Variants in KPNA2 observed in about 807,000 individuals in gnomAD.
The protein encoded by KPNA2 is importin subunit alpha-1.
Under a neutral mutation model 53.7 loss-of-function variants are expected in KPNA2, and 20 were observed. The ratio of observed to expected loss-of-function variants is 0.37; its 90% CI spans 0.26 to 0.54. The LOEUF is 0.54. Ranked by LOEUF, KPNA2 falls within the 20% of genes least tolerant of loss-of-function variation. The pLI is 0.83. For synonymous variants in KPNA2, 238 were observed against 227.5 expected, an observed-to-expected ratio of 1.05 and a Z score of -0.42; for missense variants, 515 against 640.3, an observed-to-expected ratio of 0.80 and a Z score of 2.11.
intron 4 of KPNA2, 104 bp from the exon 5 acceptor site, chr17:68,041,978 GGTT>G (rs1568276430): frequency 5.5e-6 from 5 of 908,244 alleles, no homozygotes; most frequent in Non-Finnish European, 8.3e-6. Flanking sequence ...TTACTTAAAA[GGTT>G]GTCTGAAGTT....
chr17:68,039,498 C>T lies in KPNA2; in HGVS notation c.214-1180C>T, dbSNP rs531006117. 6.6e-5 allele frequency among the ~76,000 whole-genome samples: 10 copies of T among 151,284 alleles called. No individual in the cohort carries two copies. The South Asian group carries it at 1.1e-3, about 16-fold the overall frequency. ...TTATAAAATTAGATATGAAAATCCT[C>T]GGCCGGGTGTGGTGGCTCACACCTG... On this transcript the variant is annotated intron_variant, in intron 3 of 10. Coordinates refer to ENST00000330459, the MANE Select transcript of KPNA2 (RefSeq NM_002266.4).
chr17:68,037,064 A>G (rs1599137542), intron 1 of KPNA2, 46 bp from the exon 2 acceptor site: 8 of 1,261,326 alleles, frequency 6.3e-6, no homozygotes, highest in Non-Finnish European at 8.1e-6. Flanking sequence ...ATTATTGACA[A>G]AGGAAAATGA....
rs782770581 is a variant in KPNA2, at chr17:68,042,134, G to A, written c.352G>A (p.Ala118Thr). Residue 118 changes from alanine to threonine, a missense_variant, in exon 5 of 11, where the codon GCT becomes ACT. By Grantham distance (58) the Ala-to-Thr change is moderately conservative. Transcript: ENST00000330459. ...GCCCCCCATAGACAACATAATCCGG[G>A]CTGGTTTGATTCCGAAATTTGTGTC... ...KQPPIDNIIR[A>T]GLIPKFVSFL... The A allele has an allele frequency of 6.2e-7, 1 of 1,613,926 alleles. No individual in the cohort carries two copies. The highest frequency in any genetic ancestry group is 8.5e-7 in the Non-Finnish European group (1 of 1,179,844).
At position 68,038,530 on chromosome 17, in the gene KPNA2, T is replaced by A. The variant is rs531805241; in HGVS notation, c.213+1035T>A. ...TCCTAATTTATCATATCCTTCTTTA[T>A]GCCATATACTATTTTCCTGAAATTT... On this transcript the variant is annotated intron_variant, in intron 3 of 10. Coordinates refer to ENST00000330459, the MANE Select transcript of KPNA2 (RefSeq NM_002266.4). Among the ~76,000 whole-genome samples, 3 of 152,334 alleles carry A rather than the reference T, an allele frequency of 2.0e-5. No homozygotes were observed. The East Asian group carries it at 5.8e-4, about 29-fold the overall frequency.
Position 68,045,859 on chromosome 17 carries a change from C to T in KPNA2, c.1435C>T (p.His479Tyr), listed in dbSNP as rs781957997. Residue 479 changes from histidine (H) to tyrosine (Y), a missense_variant, in exon 10 of 11, where the codon CAT (histidine) becomes TAT (tyrosine). Coordinates refer to ENST00000330459, the MANE Select transcript of KPNA2 (RefSeq NM_002266.4). ...AGACAAAATTGAAGCTCTACAAAAC[C>T]ATGAAAATGAGTCTGTGTATAAGGC... ...GLDKIEALQN[H>Y]ENESVYKASL... 7 of 1,607,808 alleles carry T rather than the reference C, an allele frequency of 4.4e-6. No homozygotes were observed. The South Asian group carries it at 6.6e-5, about 15-fold the overall frequency.
At chr17:68,046,008 C>A in intron 10 of KPNA2, 87 bp downstream of exon 10, 11 of 832,852 alleles carry the variant, frequency 1.3e-5, no homozygotes, top group South Asian at 2.8e-5. Context: ...AAATAAGTGT[C>A]ATATCTTTGT....
At chr17:68,039,718 G>A (rs1555704246) in intron 3 of KPNA2, among the ~76,000 whole-genome samples, 2 of 151,446 alleles carry the variant, frequency 1.3e-5, no homozygotes, top group African/African-American at 2.4e-5. Flanking sequence ...AGGTGGAGGC[G>A]GTGGTGAGCC....
intron 5 of KPNA2, 42 bp from the exon 6 acceptor site, chr17:68,042,863 C>CAAAAAAA: frequency 8.9e-7 from 1 of 1,127,988 alleles, no homozygotes; most frequent in Non-Finnish European, 1.2e-6. Context: ...AACTCCGTCT[C>CAAAAAAA]AAAAAAAAAA....
rs782797109 is a variant in KPNA2, at chr17:68,043,134, C to G, written c.701C>G (p.Ser234Cys). ...GYLRNLTWTL[S>C]NLCRNKNPAP... ...TTACGTAATCTTACCTGGACACTTT[C>G]TAATCTTTGCCGCAACAAGAATCCT... The change falls in exon 7 of 11, where the codon TCT (serine) becomes TGT (cysteine). Residue 234 changes from serine (S) to cysteine (C), a missense_variant. Transcript: ENST00000330459. 2.5e-6 allele frequency: 4 copies of G among 1,614,020 alleles called. No homozygotes were observed. Among genetic ancestry groups the G allele is most frequent in the African/African-American group, 1.3e-5 (1 of 74,902 alleles).
At chr17:68,039,934 G>C (rs1394723063) in intron 3 of KPNA2, among the ~76,000 whole-genome samples, 4 of 151,090 alleles carry the variant, frequency 2.6e-5, no homozygotes. Context: ...AAAAAAATTA[G>C]CCAGGCATGG....
chr17:68,043,748 G>A, intron 7 of KPNA2, 90 bp from the exon 8 acceptor site: 1 of 788,972 alleles, frequency 1.3e-6, no homozygotes, highest in Non-Finnish European at 2.2e-6. Context: ...TTCAGGCCAT[G>A]ATGGGCCTCT....
Position 68,043,822 on chromosome 17 carries a change from ATTTT to A in KPNA2, c.931-7_931-4del. The A allele has an allele frequency of 8.4e-7, 1 of 1,184,918 alleles. No homozygotes were observed. The highest frequency in any genetic ancestry group is 1.2e-6 in the Non-Finnish European group (1 of 838,070). 73.4% of individuals were successfully genotyped at this position (1,184,918 alleles called of 1,614,324 possible). On this transcript the variant is annotated splice_polypyrimidine_tract_variant and intron_variant, in intron 7 of 10. Transcript: ENST00000330459. ...GGGAAAAAATAACCAGCATCAACAT[ATTTT>A]TTTTTTTTCAGACTCCTGCCCTAAG...
intron 3 of KPNA2, 116 bp downstream of exon 3, chr17:68,037,611 G>T (rs2071205686): frequency 9.9e-7 from 1 of 1,005,992 alleles, no homozygotes. Flanking sequence ...AACTATCTGT[G>T]AACATCTTTT....
rs782088901 is a variant in KPNA2, at chr17:68,037,463, A to G, written c.181A>G (p.Thr61Ala). 1.4e-4 allele frequency: 232 copies of G among 1,613,456 alleles called. No homozygotes were observed. Among genetic ancestry groups the G allele is most frequent in the Non-Finnish European group, 1.8e-4 (213 of 1,179,846 alleles). ...TGTAAGCTCATTTCCTGATGATGCT[A>G]CTTCTCCGCTGCAGGAAAACCGCAA... ...RNVSSFPDDA[T>A]SPLQENRNNQ... Residue 61 changes from threonine (T) to alanine (A), a missense_variant, in exon 3 of 11, where the codon ACT becomes GCT. Physicochemically the swap from Thr to Ala is moderately conservative, Grantham distance 58. Coordinates refer to ENST00000330459, the MANE Select transcript of KPNA2 (RefSeq NM_002266.4).
At chr17:68,040,224 T>A (rs540875708) in intron 3 of KPNA2, among the ~76,000 whole-genome samples, 2 of 152,184 alleles carry the variant, frequency 1.3e-5, no homozygotes, top group South Asian at 4.1e-4. Context: ...AGACAAGGTC[T>A]TGTATGGCGA....
At position 68,043,915 on chromosome 17, in the gene KPNA2, A is replaced by T; in HGVS notation, c.1008A>T (p.Ala336=). 1 of 1,613,508 alleles carries T rather than the reference A, an allele frequency of 6.2e-7. No homozygotes were observed. Among genetic ancestry groups the T allele is most frequent in the Non-Finnish European group, 8.5e-7 (1 of 1,179,734 alleles). The part of the protein sequence containing the change: ...EQTQVVIDAG[A]LAVFPSLLTN... ...CTCAGGTTGTGATTGATGCAGGAGC[A>T]CTCGCCGTCTTTCCCAGCCTGCTCA... The change falls in exon 8 of 11, where the codon GCA becomes GCT. Residue 336 remains alanine (A), a synonymous_variant. Coordinates refer to ENST00000330459, the MANE Select transcript of KPNA2 (RefSeq NM_002266.4).
chr17:68,036,368 A>C (rs1237424025), intron 1 of KPNA2: 1 of 152,286 alleles, frequency 6.6e-6, no homozygotes, highest in Non-Finnish European at 1.5e-5. Context: ...ATTCACTCCT[A>C]GTCTCTGGAA....
intron 3 of KPNA2, among the ~76,000 whole-genome samples, chr17:68,039,173 T>C (rs62084689): frequency 0.2 from 30,922 of 151,794 alleles, 4,109 homozygotes; most frequent in East Asian, 0.67. Flanking sequence ...CAGGCTGGAG[T>C]GCAGTGGTAC....
intron 3 of KPNA2, 26 bp downstream of exon 3, chr17:68,037,521 G>C (rs782305365): frequency 1.2e-6 from 2 of 1,600,926 alleles, no homozygotes; most frequent in African/African-American, 2.7e-5. Context: ...TAGTTTATGA[G>C]TTACGTGAAA....
Sources: gnomAD v4.1 joint callset for allele counts (sites outside exome capture counted in the v4.1 genomes callset) on GRCh38, gnomAD v4.1.1 for gene constraint, MANE v1.5 for transcripts, NCBI Gene and HGNC (gene_info 2026-07-23, HGNC 2026-07-21) for gene names.